Variants in PNPT1 observed in about 807,000 individuals in gnomAD.
PNPT1 encodes polyribonucleotide nucleotidyltransferase 1.
A neutral mutation model predicts 119.5 loss-of-function variants in PNPT1; 53 were observed. The observed-to-expected ratio is 0.44, with a 90% CI of 0.36 to 0.56. The LOEUF is 0.56. Ranked by LOEUF, PNPT1 falls within the 20% of genes least tolerant of loss-of-function variation. The pLI is 0.00. For synonymous variants in PNPT1, 357 were observed against 322.1 expected, an observed-to-expected ratio of 1.11 and a Z score of -1.16; for missense variants, 948 against 938.5, an observed-to-expected ratio of 1.01 and a Z score of -0.13.
chr2:55,661,926 C>A, intron 14 of PNPT1, 30 bp downstream of exon 14: 1 of 1,517,658 alleles, frequency 6.6e-7, no homozygotes, highest in African/African-American at 1.4e-5. Context: ...CATCATAAAA[C>A]GTAACAAACA....
chr2:55,671,502 G>A, intron 10 of PNPT1, 126 bp from the exon 11 acceptor site: 1 of 537,254 alleles, frequency 1.9e-6, no homozygotes, highest in Non-Finnish European at 3.1e-6. Flanking sequence ...TTAAAATATT[G>A]GAATTGGTTC....
At chr2:55,669,445 A>T (rs866605766) in intron 11 of PNPT1, among the ~76,000 whole-genome samples, 1 of 152,226 alleles carries the variant, frequency 6.6e-6, no homozygotes, top group Non-Finnish European at 1.5e-5. Flanking sequence ...TGGTCACAGA[A>T]AGATATATTA....
chr2:55,641,846 C>CT (rs202103021), intron 25 of PNPT1, among the ~76,000 whole-genome samples: 7,997 of 143,020 alleles, frequency 0.056, 277 homozygotes, highest in Admixed American at 0.11. Context: ...CTGAAATTGG[C>CT]TTTTTTTTTT....
chr2:55,684,814 T>C, intron 4 of PNPT1, 129 bp downstream of exon 4: 1 of 1,185,364 alleles, frequency 8.4e-7, no homozygotes, highest in East Asian at 3.0e-5. Flanking sequence ...AGAGAAGGAG[T>C]GAATAATCTT....
chr2:55,655,356 A>G (rs7571482), intron 17 of PNPT1, among the ~76,000 whole-genome samples: 120,413 of 152,102 alleles, frequency 0.79, 49,249 homozygotes, highest in Non-Finnish European at 0.89. Context: ...TTTGGACCTT[A>G]TGATCCACCC....
intron 18 of PNPT1, among the ~76,000 whole-genome samples, chr2:55,648,288 C>T (rs1199229826): frequency 4.6e-5 from 7 of 152,176 alleles, no homozygotes; most frequent in African/African-American, 1.7e-4. Flanking sequence ...TTGACACATA[C>T]CACCACACAA....
chr2:55,666,756 C>T (rs545634515), intron 13 of PNPT1, among the ~76,000 whole-genome samples: 2 of 152,238 alleles, frequency 1.3e-5, no homozygotes, highest in South Asian at 2.1e-4. Context: ...GTGGGAGGAT[C>T]GCCTGAGTCC....
Position 55,654,902 on chromosome 2 carries a change from G to A in PNPT1, c.1493C>T (p.Ser498Leu). The A allele has an allele frequency of 6.2e-7, 1 of 1,612,556 alleles. No individual in the cohort carries two copies. The highest frequency in any genetic ancestry group is 8.5e-7 in the Non-Finnish European group (1 of 1,179,164). Reference sequence around the variant, plus strand: ...GTTTTGAGACATAATTCTTTTACCTGAATCCATTAATGCTAAACTTCCGCC... The same window carrying A: ...GTTTTGAGACATAATTCTTTTACCTAAATCCATTAATGCTAAACTTCCGCC... ...ACGGSLALMDSGVPISSAVAG... is the reference protein window; with the variant it reads ...ACGGSLALMDLGVPISSAVAG... Residue 498 changes from serine (S) to leucine (L), a missense_variant and splice_region_variant, in exon 18 of 28, where the codon TCA (serine) becomes TTA (leucine). Physicochemically the swap from Ser to Leu is moderately radical, Grantham distance 145 (BLOSUM62 -2). Coordinates refer to ENST00000447944, the MANE Select transcript of PNPT1 (RefSeq NM_033109.5).
chr2:55,683,140 T>C (rs1277284181), intron 5 of PNPT1, among the ~76,000 whole-genome samples: 1 of 152,208 alleles, frequency 6.6e-6, no homozygotes, highest in Non-Finnish European at 1.5e-5. Flanking sequence ...TTAGTTGTCC[T>C]ATTCCCAGCC....
chr2:55,636,426 A>G (rs763657163), intron 27 of PNPT1, 34 bp from the exon 28 acceptor site: 1 of 1,606,380 alleles, frequency 6.2e-7, no homozygotes, highest in Non-Finnish European at 8.5e-7. Context: ...CTTTAAAGTT[A>G]CAGCACATTG....
chr2:55,682,190 A>G (rs12713301), intron 5 of PNPT1, among the ~76,000 whole-genome samples: 141,814 of 152,172 alleles, frequency 0.93, 66,631 homozygotes, highest in African/African-American at 0.97. Flanking sequence ...GGCCAGGTGC[A>G]GTGGCTCAGG....
rs1572796977 is a variant in PNPT1 at position 55,644,574 on chromosome 2, A to C, written c.1906+63T>G. ...TATTTAAAGCAACATACTAGAGATGAAATAGCAAACTTTTATGGTCTAGCA... is the reference window on the plus strand; with the variant it reads ...TATTTAAAGCAACATACTAGAGATGCAATAGCAAACTTTTATGGTCTAGCA... On this transcript the variant is annotated intron_variant, in intron 23 of 27. Coordinates refer to ENST00000447944, the MANE Select transcript of PNPT1 (RefSeq NM_033109.5). 1.2e-5 allele frequency: 15 copies of C among 1,247,296 alleles called. No individual in the cohort carries two copies. The East Asian group carries it at 3.5e-4, about 29-fold the overall frequency. 77.3% of individuals were successfully genotyped at this position (1,247,296 alleles called of 1,614,324 possible).
chr2:55,666,473 A>G (rs1696737256), intron 13 of PNPT1, among the ~76,000 whole-genome samples: 2 of 152,208 alleles, frequency 1.3e-5, no homozygotes, highest in Non-Finnish European at 2.9e-5. Flanking sequence ...AAAAGTTACC[A>G]AATCATACAT....
chr2:55,662,201 A>G lies in PNPT1; in HGVS notation c.1177-175T>C, dbSNP rs80188963. Reference sequence around the variant, plus strand: ...TATTTATTCTATAAATATTCATACTATGTGTAAACCTCAATAATCCAAAGT... The same window carrying G: ...TATTTATTCTATAAATATTCATACTGTGTGTAAACCTCAATAATCCAAAGT... On this transcript the variant is annotated intron_variant, in intron 13 of 27. Transcript: ENST00000447944. Among the ~76,000 whole-genome samples, 1,031 of 152,324 alleles carry G rather than the reference A, an allele frequency of 6.8e-3. 19 individuals carry two copies. The highest frequency in any genetic ancestry group is 0.024 in the African/African-American group (984 of 41,572).
intron 8 of PNPT1, among the ~76,000 whole-genome samples, chr2:55,674,162 C>T (rs1226529202): frequency 6.6e-6 from 1 of 152,126 alleles, no homozygotes; most frequent in Non-Finnish European, 1.5e-5. Context: ...TTCAAGTAAG[C>T]CAACTAAAGG....
chr2:55,659,233 G>A (rs1372606131), intron 15 of PNPT1, among the ~76,000 whole-genome samples: 1 of 152,124 alleles, frequency 6.6e-6, no homozygotes, highest in African/African-American at 2.4e-5. Context: ...GGGATTACAG[G>A]TATGAGCTAC....
chr2:55,638,538 T>G (rs1444548849), intron 26 of PNPT1, among the ~76,000 whole-genome samples: 2 of 151,326 alleles, frequency 1.3e-5, no homozygotes, highest in Non-Finnish European at 2.9e-5. Context: ...GGACCCAGCT[T>G]CTCCAGAGGC....
intron 11 of PNPT1, 105 bp from the exon 12 acceptor site, chr2:55,668,063 G>C: frequency 1.0e-6 from 1 of 980,742 alleles, no homozygotes. Context: ...AATCAACCAA[G>C]GGAGATGACT....
intron 1 of PNPT1, among the ~76,000 whole-genome samples, chr2:55,692,058 T>C (rs1327545474): frequency 6.6e-6 from 1 of 151,688 alleles, no homozygotes; most frequent in Non-Finnish European, 1.5e-5. Context: ...GCTAATTTTG[T>C]ATTTTTAGTA....
Sources: allele counts gnomAD v4.1 joint callset (sites outside exome capture counted in the v4.1 genomes callset), GRCh38; gene constraint gnomAD v4.1.1; transcripts MANE v1.5; gene names NCBI Gene and HGNC (gene_info 2026-07-23, HGNC 2026-07-21).